The following ZNF704 variants were observed in gnomAD, a reference collection of about 807,000 sequenced individuals.
ZNF704 encodes the protein zinc finger protein 704.
ZNF704 carries 10 observed loss-of-function variants against 44.7 expected under a neutral mutation model. The ratio of observed to expected loss-of-function variants is 0.22; its 90% confidence interval spans 0.14 to 0.38. The LOEUF (loss-of-function observed/expected upper bound fraction) is 0.38. Ranked by LOEUF, ZNF704 falls within the 10% of genes least tolerant of loss-of-function variation. The pLI is 1.00. For missense variants in ZNF704, 390 were observed against 545.5 expected (o/e 0.71, Z 2.84); for synonymous variants, 211 against 207.6 (o/e 1.02, Z -0.14).
intron 2 of ZNF704, among the ~76,000 whole-genome samples, chr8:80,695,131 C>A (rs1818705534): frequency 6.6e-6 from 1 of 152,172 alleles, no homozygotes; most frequent in African/African-American, 2.4e-5. Context: ...GAAATGGCAC[C>A]AGGGAAAGAA....
At chr8:80,804,908 TC>T (rs1465216187) in intron 2 of ZNF704, among the ~76,000 whole-genome samples, 3 of 152,172 alleles carry the variant, frequency 2.0e-5, no homozygotes, top group Non-Finnish European at 2.9e-5. Context: ...GAAAATTTCA[TC>T]ATAGATTGGT....
At chr8:80,873,295 C>G (rs932614386) in intron 1 of ZNF704, among the ~76,000 whole-genome samples, 3 of 152,192 alleles carry the variant, frequency 2.0e-5, no homozygotes, top group Non-Finnish European at 2.9e-5. Flanking sequence ...AAACAACAAA[C>G]CCGACACGGC....
In ZNF704 at chr8:80,808,764, T is replaced by C. The variant is rs56400976; in HGVS notation, c.221+12610A>G. Among the ~76,000 whole-genome samples, 94 of 152,356 alleles carry C rather than the reference T, an allele frequency of 6.2e-4. 1 individual carries two copies. Among genetic ancestry groups the C allele is most frequent in the African/African-American group, 2.2e-3 (93 of 41,586 alleles). On this transcript the variant is annotated intron_variant, in intron 2 of 8. Coordinates refer to ENST00000327835, the MANE Select transcript of ZNF704 (RefSeq NM_001033723.3). ...AAAATTACATTGCATGTGCAAATAATTGAGGTGATATTTTGAAAACCACAT... is the reference window on the plus strand; with the variant it reads ...AAAATTACATTGCATGTGCAAATAACTGAGGTGATATTTTGAAAACCACAT...
chr8:80,667,261 T>C (rs1818209923), intron 5 of ZNF704, among the ~76,000 whole-genome samples: 1 of 152,198 alleles, frequency 6.6e-6, no homozygotes, highest in Non-Finnish European at 1.5e-5. Flanking sequence ...TTGGCTTGCA[T>C]TCTGAATGTG....
intron 4 of ZNF704, 47 bp downstream of exon 4, chr8:80,687,179 C>A (rs369153908): frequency 1.7e-5 from 27 of 1,548,552 alleles, no homozygotes; most frequent in Non-Finnish European, 2.3e-5. Context: ...GGACAGAAAG[C>A]ACCTTCAGGA....
chr8:80,781,762 C>T (rs1807527230), intron 2 of ZNF704, among the ~76,000 whole-genome samples: 1 of 152,186 alleles, frequency 6.6e-6, no homozygotes. Context: ...GTCCTTCAGG[C>T]ATGCCATAGA....
At chr8:80,679,160 C>A (rs1818413292) in intron 4 of ZNF704, among the ~76,000 whole-genome samples, 1 of 152,128 alleles carries the variant, frequency 6.6e-6, no homozygotes, top group Non-Finnish European at 1.5e-5. Context: ...TGGAGTCCTG[C>A]ACCACCCCCT....
At chr8:80,790,139 C>T (rs183504850) in intron 2 of ZNF704, among the ~76,000 whole-genome samples, 6 of 152,136 alleles carry the variant, frequency 3.9e-5, no homozygotes, top group East Asian at 1.9e-4. Context: ...CAGTATCCTC[C>T]GGGTTAGGGG....
At chr8:80,827,111 A>G (rs1256270666) in intron 1 of ZNF704, among the ~76,000 whole-genome samples, 1 of 152,210 alleles carries the variant, frequency 6.6e-6, no homozygotes, top group Non-Finnish European at 1.5e-5. Flanking sequence ...AGGGCATTCA[A>G]TTAGGAAAAG....
intron 2 of ZNF704, chr8:80,814,210 T>C (rs1437533611): frequency 6.6e-6 from 1 of 152,210 alleles, no homozygotes; most frequent in Non-Finnish European, 1.5e-5. Context: ...TCTTTCAAAC[T>C]GAGTTCTGTT....
intron 1 of ZNF704, among the ~76,000 whole-genome samples, chr8:80,842,801 T>C (rs1335011854): frequency 2.6e-5 from 4 of 152,192 alleles, no homozygotes; most frequent in African/African-American, 9.7e-5. Flanking sequence ...CAGTGGAAGA[T>C]GGATGAGAAG....
At chr8:80,682,972 T>C (rs1018933172) in intron 4 of ZNF704, among the ~76,000 whole-genome samples, 1 of 152,200 alleles carries the variant, frequency 6.6e-6, no homozygotes, top group Admixed American at 6.5e-5. Flanking sequence ...GGATCTGGCA[T>C]GGAAAGGGCA....
chr8:80,826,540 T>C (rs993482445), intron 1 of ZNF704, among the ~76,000 whole-genome samples: 16 of 152,116 alleles, frequency 1.1e-4, no homozygotes, highest in African/African-American at 2.7e-4. Context: ...TTCCAATCAA[T>C]AGAAAAAGAG....
intron 2 of ZNF704, among the ~76,000 whole-genome samples, chr8:80,754,357 A>G (rs988014307): frequency 5.3e-5 from 8 of 152,166 alleles, no homozygotes; most frequent in African/African-American, 1.9e-4. Context: ...AAATATAGAA[A>G]AGGAAAGAAC....
intron 2 of ZNF704, among the ~76,000 whole-genome samples, chr8:80,719,611 T>A: frequency 6.6e-6 from 1 of 152,198 alleles, no homozygotes; most frequent in East Asian, 1.9e-4. Context: ...GCACATGTAC[T>A]CAGAAGGGCT....
intron 1 of ZNF704, among the ~76,000 whole-genome samples, chr8:80,841,153 C>T (rs1808671301): frequency 6.6e-6 from 1 of 152,208 alleles, no homozygotes; most frequent in African/African-American, 2.4e-5. Flanking sequence ...CACCAGGAAC[C>T]TTTGCCACTG....
chr8:80,701,683 G>C (rs958036350), intron 2 of ZNF704, among the ~76,000 whole-genome samples: 5 of 152,178 alleles, frequency 3.3e-5, no homozygotes, highest in Non-Finnish European at 5.9e-5. Flanking sequence ...AGATACAAGA[G>C]GGAAGAGAGG....
At chr8:80,687,108 G>T in intron 4 of ZNF704, 118 bp downstream of exon 4, 1 of 793,692 alleles carries the variant, frequency 1.3e-6, no homozygotes, top group Non-Finnish European at 2.1e-6. Context: ...AACGTAAGCT[G>T]CTTCTTTCCA....
chr8:80,877,667 T>A (rs1012642471), upstream of ZNF704, among the ~76,000 whole-genome samples: 7 of 152,334 alleles, frequency 4.6e-5, no homozygotes, highest in African/African-American at 1.4e-4. Context: ...GAACACATCC[T>A]CATCTAAAAC....
Sources: allele counts gnomAD v4.1 joint callset (sites outside exome capture counted in the v4.1 genomes callset), GRCh38; gene constraint gnomAD v4.1.1; transcripts MANE v1.5; gene names NCBI Gene and HGNC (gene_info 2026-07-23, HGNC 2026-07-21).